HSD11B1: variants seen among roughly 807,000 people sequenced by gnomAD.
HSD11B1 encodes hydroxysteroid 11-beta dehydrogenase 1.
HSD11B1 carries 15 observed loss-of-function variants against 22.1 expected under a neutral mutation model. The observed-to-expected ratio is 0.68, with a 90% CI of 0.45 to 1.04. HSD11B1 has a LOEUF of 1.04. Among genes scored for constraint, HSD11B1 ranks in the 50% least tolerant of loss-of-function variants. The probability of loss-of-function intolerance (pLI) is 0.00; values close to 1 mark genes in which losing one functional copy is unlikely to be tolerated. For synonymous variants in HSD11B1, 122 were observed against 125.2 expected (o/e 0.97, Z 0.17); for missense variants, 281 against 357.6 (o/e 0.79, Z 1.73).
intron 4 of HSD11B1, among the ~76,000 whole-genome samples, chr1:209,717,871 C>CAAAAAAA (rs1015577238): frequency 2.5e-5 from 1 of 39,612 alleles, no homozygotes; most frequent in African/African-American, 7.7e-5. Flanking sequence ...GACTCCATCT[C>CAAAAAAA]AAAAAAAAAA....
chr1:209,709,297 T>G (rs1051510390), intron 4 of HSD11B1, among the ~76,000 whole-genome samples: 11 of 152,216 alleles, frequency 7.2e-5, no homozygotes, highest in African/African-American at 2.7e-4. Flanking sequence ...CTTAAAGGCT[T>G]GGTTACCTCT....
intron 4 of HSD11B1, among the ~76,000 whole-genome samples, chr1:209,711,212 T>A (rs2076892685): frequency 6.6e-6 from 1 of 152,180 alleles, no homozygotes. Flanking sequence ...CCTATAATGA[T>A]GTTTTGCATA....
intron 1 of HSD11B1, among the ~76,000 whole-genome samples, chr1:209,693,708 T>C (rs1315472880): frequency 6.6e-6 from 1 of 152,210 alleles, no homozygotes; most frequent in Non-Finnish European, 1.5e-5. Context: ...AAATGCTCAA[T>C]GCATTTGAGC....
chr1:209,703,701 C>T (rs1351072515), upstream of HSD11B1, among the ~76,000 whole-genome samples: 1 of 152,080 alleles, frequency 6.6e-6, no homozygotes, highest in East Asian at 1.9e-4. Flanking sequence ...TAAATTCTGT[C>T]CCCCCACTAC....
Position 209,727,258 on chromosome 1 carries a change from C to T in HSD11B1, c.518-5178C>T, listed in dbSNP as rs547893955. 5.9e-5 allele frequency among the ~76,000 whole-genome samples: 9 copies of T among 152,290 alleles called. No homozygotes were observed. The South Asian group carries it at 1.9e-3, about 32-fold the overall frequency. On this transcript the variant is annotated intron_variant, in intron 4 of 5. Coordinates refer to ENST00000367027, the MANE Select transcript of HSD11B1 (RefSeq NM_005525.4). Reference sequence around the variant, plus strand: ...GAAGAGAAAAAAGAAGGATTCCCTGCTATAGGTTTTGGGGGGAGCATGGCT... The same window carrying T: ...GAAGAGAAAAAAGAAGGATTCCCTGTTATAGGTTTTGGGGGGAGCATGGCT...
intron 1 of HSD11B1, among the ~76,000 whole-genome samples, chr1:209,688,649 A>G (rs994189879): frequency 1.8e-4 from 28 of 152,334 alleles, no homozygotes; most frequent in African/African-American, 6.7e-4. Context: ...CTTGGGGGTA[A>G]GTAGAAGATA....
At chr1:209,730,417 A>G (rs1571888053) in intron 4 of HSD11B1, among the ~76,000 whole-genome samples, 2 of 152,346 alleles carry the variant, frequency 1.3e-5, no homozygotes, top group South Asian at 4.1e-4. Flanking sequence ...TAAAAGTTGC[A>G]TGCCACCTGA....
chr1:209,694,463 C>G (rs958884362), intron 1 of HSD11B1, among the ~76,000 whole-genome samples: 3 of 152,146 alleles, frequency 2.0e-5, no homozygotes, highest in Admixed American at 1.3e-4. Flanking sequence ...TTTCTGGTCC[C>G]CAGCATTCCC....
chr1:209,691,079 A>G (rs931130500), intron 1 of HSD11B1, among the ~76,000 whole-genome samples: 3 of 152,198 alleles, frequency 2.0e-5, no homozygotes, highest in African/African-American at 7.2e-5. Flanking sequence ...AGAAAGAAAA[A>G]TAGTTCACAA....
rs56251233 is a variant in HSD11B1, at chr1:209,734,680, C to T, written c.*159C>T. ...ATGGAAGGAGTTCCTCTAACATTTG[C>T]AAAATGGAAATGTAATAATAATGAA... On this transcript the variant is annotated 3_prime_UTR_variant, in exon 6 of 6. Transcript: ENST00000367027. The T allele has an allele frequency of 5.9e-3, 3,827 of 650,708 alleles. 104 individuals are homozygous for T. In the African/African-American group the frequency reaches 0.062, roughly 11 times the overall value. The allele number at this position is 650,708 out of a possible 1,614,324, so 40.3% of individuals were successfully genotyped here.
At chr1:209,728,274 T>A (rs2077015527) in intron 4 of HSD11B1, among the ~76,000 whole-genome samples, 1 of 152,206 alleles carries the variant, frequency 6.6e-6, no homozygotes, top group African/African-American at 2.4e-5. Flanking sequence ...AGAATGGCAC[T>A]TTTTTCTCCA....
Position 209,695,907 on chromosome 1 carries a change from A to G in HSD11B1, c.-48-8988A>G, listed in dbSNP as rs115131172. On this transcript the variant is annotated intron_variant, in intron 1 of 6. Coordinates refer to the HSD11B1 transcript ENST00000261465. ...AATAAAAACATACGTTCACACAAAA[A>G]TTTTCATACCAATGTTCATTGCAGC... Among the ~76,000 whole-genome samples, 871 of 152,314 alleles carry G rather than the reference A, an allele frequency of 5.7e-3. 10 individuals carry two copies. The highest frequency in any genetic ancestry group is 0.02 in the African/African-American group (845 of 41,566).
intron 4 of HSD11B1, among the ~76,000 whole-genome samples, chr1:209,730,626 A>G (rs967290229): frequency 6.6e-6 from 1 of 152,222 alleles, no homozygotes; most frequent in African/African-American, 2.4e-5. Flanking sequence ...TATTGGGTAG[A>G]TAACACTATT....
chr1:209,727,982 A>G (rs2077014035), intron 4 of HSD11B1, among the ~76,000 whole-genome samples: 1 of 152,224 alleles, frequency 6.6e-6, no homozygotes, highest in Non-Finnish European at 1.5e-5. Context: ...TGTTCAAGCC[A>G]GTGTGCATAT....
At chr1:209,703,462 CT>C (rs1558189157), upstream of HSD11B1, among the ~76,000 whole-genome samples, 1 of 152,130 alleles carries the variant, frequency 6.6e-6, no homozygotes, top group Non-Finnish European at 1.5e-5. Flanking sequence ...TGAATTTTAT[CT>C]TTTTTCTCTT....
chr1:209,695,812 A>G (rs138168079), intron 1 of HSD11B1, among the ~76,000 whole-genome samples: 165 of 152,348 alleles, frequency 1.1e-3, no homozygotes, highest in African/African-American at 3.9e-3. Context: ...TCTCAAAAAA[A>G]TAAAAAAAAG....
At chr1:209,693,411 A>G (rs1343419089) in intron 1 of HSD11B1, among the ~76,000 whole-genome samples, 1 of 152,162 alleles carries the variant, frequency 6.6e-6, no homozygotes, top group Non-Finnish European at 1.5e-5. Context: ...AGGAGATATG[A>G]ATAGATGGGG....
At position 209,687,691 on chromosome 1, in the gene HSD11B1, T is replaced by C. The variant is rs1232086561; in HGVS notation, c.-49+1406T>C. 2.6e-5 allele frequency among the ~76,000 whole-genome samples: 4 copies of C among 152,158 alleles called. 1 individual carries two copies. The highest frequency in any genetic ancestry group is 5.9e-5 in the Non-Finnish European group (4 of 68,018). On this transcript the variant is annotated intron_variant, in intron 1 of 6. Coordinates refer to the HSD11B1 transcript ENST00000261465. ...CACCCAGGAGCCTTTTAAGAAATCATGAAAACTTTACAAGAAGGTACCCCA... is the reference window on the plus strand; with the variant it reads ...CACCCAGGAGCCTTTTAAGAAATCACGAAAACTTTACAAGAAGGTACCCCA...
rs988076432 is a variant in HSD11B1, at chr1:209,697,884, C to CTTTTT, written c.-48-6985_-48-6981dup. On this transcript the variant is annotated intron_variant, in intron 1 of 6. Coordinates refer to the HSD11B1 transcript ENST00000261465. Reference sequence around the variant, plus strand: ...GAATGATTAATGGTTTTGTTTTTTCCTTTTTTTTTTTTTTTTTTTTTTTTT... The same window carrying CTTTTT: ...GAATGATTAATGGTTTTGTTTTTTCCTTTTTTTTTTTTTTTTTTTTTTTTTTTTTT... Among the ~76,000 whole-genome samples, 48 of 41,600 alleles carry CTTTTT rather than the reference C, an allele frequency of 1.2e-3. 10 individuals carry two copies. Among genetic ancestry groups the CTTTTT allele is most frequent in the African/African-American group, 1.8e-3 (22 of 12,556 alleles). 27.3% of individuals were successfully genotyped at this position (41,600 alleles called of 152,430 possible).
Sources: allele counts gnomAD v4.1 joint callset (sites outside exome capture counted in the v4.1 genomes callset), GRCh38; gene constraint gnomAD v4.1.1; transcripts MANE v1.5; gene names NCBI Gene and HGNC (gene_info 2026-07-23, HGNC 2026-07-21).